Variants in RSPH14 observed in about 807,000 individuals in gnomAD.
RSPH14 encodes the protein radial spoke head 14 homolog.
RSPH14 carries 20 observed loss-of-function variants against 26.7 expected under a neutral mutation model. The observed-to-expected ratio is 0.75, with a 90% CI of 0.53 to 1.09. The LOEUF (loss-of-function observed/expected upper bound fraction) is 1.09, where lower values mean the gene tolerates loss of function less well. RSPH14 is among the 50% of genes least tolerant of loss of function. The pLI is 0.00. For missense variants in RSPH14, 449 were observed against 457.2 expected (o/e 0.98, Z 0.16); for synonymous variants, 177 against 189.3 (o/e 0.93, Z 0.53).
At chr22:23,073,772 C>A (rs2068436407) in intron 4 of RSPH14, among the ~76,000 whole-genome samples, 1 of 152,246 alleles carries the variant, frequency 6.6e-6, no homozygotes, top group Non-Finnish European at 1.5e-5. Context: ...TTACCAGCGC[C>A]TGCTGCATGC....
chr22:23,147,939 A>G (rs913183484), upstream of RSPH14, among the ~76,000 whole-genome samples: 4 of 152,158 alleles, frequency 2.6e-5, no homozygotes, highest in Non-Finnish European at 5.9e-5. Flanking sequence ...AAGGAGAGGG[A>G]GAAATGTCTA....
At chr22:23,077,668 T>C (rs1298336915) in intron 4 of RSPH14, among the ~76,000 whole-genome samples, 1 of 152,142 alleles carries the variant, frequency 6.6e-6, no homozygotes, top group Non-Finnish European at 1.5e-5. Context: ...GCTCTGTGTT[T>C]GTGGGGCCCG....
intron 1 of RSPH14, among the ~76,000 whole-genome samples, chr22:23,141,310 A>G (rs920753656): frequency 5.4e-5 from 8 of 147,816 alleles, no homozygotes; most frequent in African/African-American, 1.8e-4. Context: ...GCCTGGCGAC[A>G]AAGCAAGACT....
intron 6 of RSPH14, 26 bp from the exon 7 acceptor site, chr22:23,059,744 C>A: frequency 6.7e-7 from 1 of 1,501,104 alleles, no homozygotes; most frequent in South Asian, 1.3e-5. Context: ...ACAAGGCGTT[C>A]CAAACAGCCC....
At chr22:23,148,053 C>T (rs1264368531), upstream of RSPH14, among the ~76,000 whole-genome samples, 1 of 152,120 alleles carries the variant, frequency 6.6e-6, no homozygotes, top group Non-Finnish European at 1.5e-5. Context: ...AGATCCTCTC[C>T]ATGGAATGGC....
At chr22:23,095,511 G>A (rs1373821493) in intron 4 of RSPH14, 8 of 643,624 alleles carry the variant, frequency 1.2e-5, no homozygotes, top group East Asian at 2.8e-5. Context: ...TGCACAGAGC[G>A]CCATGCCGGC....
chr22:23,163,606 G>GCC, the RSPH14 span: 2,124 of 125,296 alleles, frequency 0.017, 123 homozygotes, highest in Middle Eastern at 0.064. Flanking sequence ...CAAGGTGAAA[G>GCC]CCCCCCCCCC....
the RSPH14 span, among the ~76,000 whole-genome samples, chr22:23,156,533 G>T: frequency 6.6e-6 from 1 of 152,180 alleles, no homozygotes; most frequent in East Asian, 1.9e-4. Flanking sequence ...ACCGTCAGCA[G>T]GGGGCGGCAG....
the RSPH14 span, among the ~76,000 whole-genome samples, chr22:23,159,845 C>A: frequency 6.6e-6 from 1 of 152,248 alleles, no homozygotes; most frequent in Non-Finnish European, 1.5e-5. Context: ...GGGTCCCCAG[C>A]CCAAGGCAAG....
intron 4 of RSPH14, chr22:23,133,809 C>T (rs1423283648): frequency 9.4e-6 from 4 of 425,158 alleles, no homozygotes; most frequent in East Asian, 6.0e-5. Flanking sequence ...AGGCTGGTGT[C>T]GAACTCCTGA....
At chr22:23,117,572 C>G (rs776694738) in intron 4 of RSPH14, among the ~76,000 whole-genome samples, 1 of 152,340 alleles carries the variant, frequency 6.6e-6, no homozygotes, top group East Asian at 1.9e-4. Context: ...GGTGAGAGGA[C>G]GTCCCAGTGC....
At chr22:23,070,629 G>C (rs1283334166) in intron 4 of RSPH14, 1 of 152,298 alleles carries the variant, frequency 6.6e-6, no homozygotes, top group African/African-American at 2.4e-5. Context: ...TCGGGGGCAC[G>C]GCCGGGGCAT....
Position 23,102,524 on chromosome 22 carries a change from C to T in RSPH14, c.421+31502G>A, listed in dbSNP as rs568679451. Among the ~76,000 whole-genome samples the T allele has an allele frequency of 8.5e-5, 13 of 152,350 alleles. No individual in the cohort carries two copies. The South Asian group carries it at 2.7e-3, about 32-fold the overall frequency. On this transcript the variant is annotated intron_variant, in intron 4 of 6. Transcript: ENST00000216036. ...CCGCCTTGTGCAGTGGCTCCTTGCC[C>T]TGGGTAGGTCCTTGGTCAGAGGTCA...
chr22:23,068,027 A>C (rs1275842027), intron 4 of RSPH14, among the ~76,000 whole-genome samples: 2 of 152,174 alleles, frequency 1.3e-5, no homozygotes, highest in East Asian at 3.8e-4. Flanking sequence ...TCAAATTTAA[A>C]AGACTAATGT....
chr22:23,118,251 T>G (rs1263877978), intron 4 of RSPH14, among the ~76,000 whole-genome samples: 1 of 152,158 alleles, frequency 6.6e-6, no homozygotes, highest in African/African-American at 2.4e-5. Context: ...ACCTCACCAT[T>G]CCCCGACGCC....
At chr22:23,123,273 A>T in intron 4 of RSPH14, 1 of 1,614,136 alleles carries the variant, frequency 6.2e-7, no homozygotes, top group Non-Finnish European at 8.5e-7. Flanking sequence ...CGCTGTCTAC[A>T]TCCAGCGGCA....
the RSPH14 span, chr22:23,160,822 G>A: frequency 3.2e-6 from 5 of 1,578,774 alleles, no homozygotes; most frequent in South Asian, 2.3e-5. Flanking sequence ...ACACCCAGAT[G>A]CATTAAGGGG....
At chr22:23,117,498 T>C (rs1397610966) in intron 4 of RSPH14, among the ~76,000 whole-genome samples, 1 of 152,166 alleles carries the variant, frequency 6.6e-6, no homozygotes, top group Non-Finnish European at 1.5e-5. Flanking sequence ...TGCATTTGGG[T>C]AGCCTTCCCT....
chr22:23,070,219 C>T (rs992470700), intron 4 of RSPH14: 1 of 150,600 alleles, frequency 6.6e-6, no homozygotes, highest in African/African-American at 2.4e-5. Context: ...CGTGGCGGGG[C>T]GGAGGTGCCC....
Sources: allele counts gnomAD v4.1 joint callset (sites outside exome capture counted in the v4.1 genomes callset), GRCh38; gene constraint gnomAD v4.1.1; transcripts MANE v1.5; gene names NCBI Gene and HGNC (gene_info 2026-07-23, HGNC 2026-07-21).